The following CTPS2 variants were observed in gnomAD, a reference collection of about 807,000 sequenced individuals.
CTPS2 encodes the protein CTP synthase 2.
CTPS2 carries 19 observed loss-of-function variants against 46.8 expected under a neutral mutation model. The ratio of observed to expected loss-of-function variants is 0.41; its 90% confidence interval spans 0.28 to 0.60. The LOEUF (loss-of-function observed/expected upper bound fraction) is 0.60, where lower values mean the gene tolerates loss of function less well. CTPS2 is among the 20% of genes least tolerant of loss of function. The pLI, the probability that CTPS2 is intolerant of heterozygous loss-of-function variation, is 0.35. For missense variants in CTPS2, 286 were observed against 447.6 expected (o/e 0.64, Z 3.26); for synonymous variants, 151 against 165.2 (o/e 0.91, Z 0.66).
chrX:16,659,809 G>C (rs1010472370), intron 13 of CTPS2, among the ~76,000 whole-genome samples: 2 of 110,959 alleles, frequency 1.8e-5, no homozygotes, highest in African/African-American at 3.3e-5. Flanking sequence ...CGAAGTGCTG[G>C]GATTACAGTA....
chrX:16,641,021 C>G (rs1932053113), intron 13 of CTPS2, among the ~76,000 whole-genome samples: 1 of 111,943 alleles, frequency 8.9e-6, no homozygotes, highest in African/African-American at 3.2e-5. Context: ...TGCTCTTGGC[C>G]TTGGCATCTT....
At position 16,617,223 on chromosome X, in the gene CTPS2, T is replaced by C. The variant is rs776234060; in HGVS notation, c.1473A>G (p.Gln491=). 3.7e-5 allele frequency: 45 copies of C among 1,207,787 alleles called. No homozygotes were observed. In the South Asian group the frequency reaches 7.9e-4, roughly 21 times the overall value. ...RFEVNPNLIK[Q]FEQNDLSFVG... is the part of the protein sequence containing the mutation. ...CAAAACTTAAGTCATTCTGCTCAAATTGTTTGATCAGGTTAGGGTTTACCT... is the reference window on the plus strand; with the variant it reads ...CAAAACTTAAGTCATTCTGCTCAAACTGTTTGATCAGGTTAGGGTTTACCT... Residue 491 remains glutamine (Q), a synonymous_variant, in exon 16 of 19, where the codon CAA becomes CAG. Transcript: ENST00000359276.
chrX:16,596,035 A>G lies in CTPS2; in HGVS notation c.1692-5173T>C, dbSNP rs1156272847. The stretch of plus-strand genomic sequence containing the variant: ...AGGCACATGCCACCGTGCCCATCTA[A>G]CCTTTTATTTTTATTTTTTGTAGGA... On this transcript the variant is annotated intron_variant, in intron 17 of 18. Coordinates refer to ENST00000359276, the MANE Select transcript of CTPS2 (RefSeq NM_175859.3). Among the ~76,000 whole-genome samples, 27 of 110,302 alleles carry G rather than the reference A, an allele frequency of 2.4e-4. No homozygotes were observed. In the Admixed American group the frequency reaches 2.6e-3, roughly 11 times the overall value.
At position 16,609,628 on chromosome X, in the gene CTPS2, T is replaced by A; in HGVS notation, c.1604A>T (p.Lys535Met). Residue 535 changes from lysine (K) to methionine (M), a missense_variant, in exon 17 of 19, where the codon AAG (lysine) becomes ATG (methionine). By Grantham distance (95) the Lys-to-Met change is moderately conservative. Transcript: ENST00000359276. The part of the protein sequence containing the change: ...FHPEFSSRPM[K>M]PSPPYLGLLL... ...CAGCCCCAGATACGGAGGGGAAGGC[T>A]TCATCGGCCTAGAAGAAAACTCAGG... 4.1e-6 allele frequency: 5 copies of A among 1,210,963 alleles called. No homozygotes were observed. The highest frequency in any genetic ancestry group is 5.6e-6 in the Non-Finnish European group (5 of 895,086).
At chrX:16,602,853 G>A (rs1452580933) in intron 17 of CTPS2, among the ~76,000 whole-genome samples, 4 of 110,785 alleles carry the variant, frequency 3.6e-5, no homozygotes, top group African/African-American at 6.6e-5. Flanking sequence ...GTATTATTAT[G>A]GACTCATGGA....
chrX:16,683,477 C>T (rs990606128), intron 8 of CTPS2, among the ~76,000 whole-genome samples: 2 of 110,731 alleles, frequency 1.8e-5, no homozygotes, highest in African/African-American at 6.6e-5. Flanking sequence ...GGCATGCCTA[C>T]AATCCCAGCT....
chrX:16,622,993 A>T (rs1434026769), intron 14 of CTPS2, among the ~76,000 whole-genome samples: 1 of 112,501 alleles, frequency 8.9e-6, no homozygotes. Context: ...AAAGCGAACC[A>T]TTTCAGTGAT....
chrX:16,642,214 T>A (rs890378536), intron 13 of CTPS2, among the ~76,000 whole-genome samples: 1 of 112,270 alleles, frequency 8.9e-6, no homozygotes, highest in African/African-American at 3.2e-5. Context: ...TAATAAACGC[T>A]ACCTTCTCCT....
At chrX:16,671,847 G>C (rs1481780486) in intron 10 of CTPS2, among the ~76,000 whole-genome samples, 1 of 111,147 alleles carries the variant, frequency 9.0e-6, no homozygotes, top group East Asian at 2.8e-4. Context: ...AACACGGAAA[G>C]AACAATACTG....
chrX:16,599,471 T>C (rs1472213877), intron 17 of CTPS2, among the ~76,000 whole-genome samples: 1 of 98,599 alleles, frequency 1.0e-5, no homozygotes, highest in African/African-American at 4.0e-5. Flanking sequence ...CTTTTTCTTT[T>C]TTTTCTTTTT....
intron 17 of CTPS2, among the ~76,000 whole-genome samples, chrX:16,599,837 G>A (rs999087099): frequency 2.0e-4 from 21 of 106,042 alleles, no homozygotes; most frequent in Non-Finnish European, 3.9e-4. Context: ...CTAGAGCACA[G>A]TGGTGTGACC....
intron 7 of CTPS2, among the ~76,000 whole-genome samples, chrX:16,690,493 T>C (rs1923609361): frequency 8.9e-6 from 1 of 111,774 alleles, no homozygotes; most frequent in Non-Finnish European, 1.9e-5. Flanking sequence ...CGGCAATGAC[T>C]CTGAGGCATC....
chrX:16,598,207 C>T (rs1929402592), intron 17 of CTPS2, among the ~76,000 whole-genome samples: 1 of 111,081 alleles, frequency 9.0e-6, no homozygotes, highest in Admixed American at 9.6e-5. Flanking sequence ...TAACTAAAAT[C>T]AGAGCAGAAC....
At chrX:16,666,295 T>C (rs967987656) in intron 13 of CTPS2, among the ~76,000 whole-genome samples, 1 of 110,967 alleles carries the variant, frequency 9.0e-6, no homozygotes, top group Non-Finnish European at 1.9e-5. Context: ...CAGAGGCAGG[T>C]AAAGAAAAGA....
At chrX:16,673,225 T>C (rs1452909045) in intron 10 of CTPS2, among the ~76,000 whole-genome samples, 1 of 111,342 alleles carries the variant, frequency 9.0e-6, no homozygotes, top group Non-Finnish European at 1.9e-5. Flanking sequence ...GTGTGCTTTG[T>C]GTGTCTTTCT....
intron 14 of CTPS2, among the ~76,000 whole-genome samples, chrX:16,630,993 T>G (rs1487531251): frequency 8.9e-6 from 1 of 112,341 alleles, no homozygotes; most frequent in Non-Finnish European, 1.9e-5. Flanking sequence ...CAAAAGGCCA[T>G]TGAGGATCTC....
intron 11 of CTPS2, among the ~76,000 whole-genome samples, chrX:16,669,941 C>T (rs1921590711): frequency 9.0e-6 from 1 of 110,753 alleles, no homozygotes; most frequent in South Asian, 3.8e-4. Flanking sequence ...AGGCTCAACT[C>T]GGCCGGGCAC....
intron 13 of CTPS2, chrX:16,650,898 C>G: frequency 1.5e-6 from 1 of 671,216 alleles, no homozygotes; most frequent in Non-Finnish European, 2.3e-6. Context: ...CCCATTTATG[C>G]CAAGGAAATG....
At chrX:16,667,803 C>T in intron 11 of CTPS2, 79 bp from the exon 12 acceptor site, 1 of 910,421 alleles carries the variant, frequency 1.1e-6, no homozygotes, top group East Asian at 3.1e-5. Context: ...TGTTGGCTGC[C>T]TGTCTCCCCT....
Sources: allele counts gnomAD v4.1 joint callset (sites outside exome capture counted in the v4.1 genomes callset), GRCh38; gene constraint gnomAD v4.1.1; transcripts MANE v1.5; gene names NCBI Gene and HGNC (gene_info 2026-07-23, HGNC 2026-07-21).